The following ZFHX3 variants were observed in gnomAD, a reference collection of about 807,000 sequenced individuals.
ZFHX3 encodes zinc finger homeobox 3.
In ZFHX3, 42 loss-of-function variants were observed where a neutral mutation model predicts 279.1. The ratio of observed to expected loss-of-function variants is 0.15; its 90% CI spans 0.12 to 0.19. The LOEUF (loss-of-function observed/expected upper bound fraction) is 0.19. ZFHX3 is among the 10% of genes least tolerant of loss of function. ZFHX3 has a pLI of 1.00. For synonymous variants in ZFHX3, 2,293 were observed against 1,957.8 expected (o/e 1.17, Z -4.52); for missense variants, 4,981 against 4,754.0 (o/e 1.05, Z -1.40).
rs766754951 is a variant in ZFHX3, at chr16:72,958,727, CTCCGCCTCTTCCTCCTCCTCT to C, written c.1398_1418del (p.Ala472_Glu478del). 1.9e-4 allele frequency: 301 copies of C among 1,600,974 alleles called. No homozygotes were observed. Among genetic ancestry groups the C allele is most frequent in the Non-Finnish European group, 2.2e-4 (259 of 1,168,820 alleles). ...CCTCCTCCTCTTCTTCCTCCTCCTC[CTCCGCCTCTTCCTCCTCCTCT>C]TCCTCCTCCGCCTCCTCTTCGGCTG... On this transcript the variant is annotated inframe_deletion, in exon 2 of 10. Transcript: ENST00000268489.
chr16:72,951,301 C>A (rs1453467329), intron 2 of ZFHX3, among the ~76,000 whole-genome samples: 1 of 151,852 alleles, frequency 6.6e-6, no homozygotes, highest in Admixed American at 6.6e-5. Flanking sequence ...TGCCCTGTTG[C>A]CCAGGCTAGA....
intron 4 of ZFHX3, among the ~76,000 whole-genome samples, chr16:73,307,106 TG>T (rs1453364708): frequency 1.3e-5 from 2 of 152,230 alleles, no homozygotes; most frequent in African/African-American, 4.8e-5. Context: ...AGATGATCTT[TG>T]GAGTAAGAAG....
At chr16:72,898,523 T>C (rs1400076921) in intron 3 of ZFHX3, among the ~76,000 whole-genome samples, 1 of 152,194 alleles carries the variant, frequency 6.6e-6, no homozygotes, top group Non-Finnish European at 1.5e-5. Flanking sequence ...AATAACTAAG[T>C]CTATAGCTGT....
chr16:73,823,960 G>A (rs1033330993), intron 1 of ZFHX3, among the ~76,000 whole-genome samples: 1 of 152,110 alleles, frequency 6.6e-6, no homozygotes, highest in African/African-American at 2.4e-5. Flanking sequence ...TGTGCATTTG[G>A]GCATATTTTG....
chr16:73,674,527 A>G (rs2052934651), intron 2 of ZFHX3, among the ~76,000 whole-genome samples: 1 of 152,242 alleles, frequency 6.6e-6, no homozygotes, highest in Admixed American at 6.5e-5. Flanking sequence ...TTTGGTTTTC[A>G]GAGTCCCTAG....
chr16:73,115,440 T>C (rs1439319060), intron 7 of ZFHX3, among the ~76,000 whole-genome samples: 1 of 151,242 alleles, frequency 6.6e-6, no homozygotes, highest in Non-Finnish European at 1.5e-5. Flanking sequence ...TCCCAGCTAT[T>C]TGGGAGACTG....
chr16:73,644,685 C>CAA (rs11414798), intron 2 of ZFHX3, among the ~76,000 whole-genome samples: 1 of 151,608 alleles, frequency 6.6e-6, no homozygotes, highest in Admixed American at 6.6e-5. Flanking sequence ...CAAAACTAAA[C>CAA]AAAAAAACCT....
Position 72,784,515 on chromosome 16 carries a change from G to C in ZFHX3, c.*2649C>G, listed in dbSNP as rs912265014. On this transcript the variant is annotated 3_prime_UTR_variant, in exon 10 of 10. Transcript: ENST00000268489. ...TTTTTTTCTATATGGTACAGACACA[G>C]AGTAACATACAACAGTTAAATGGCA... 2 of 151,992 alleles carry C rather than the reference G, an allele frequency of 1.3e-5. No individual in the cohort carries two copies. Among genetic ancestry groups the C allele is most frequent in the African/African-American group, 4.8e-5 (2 of 41,308 alleles). The allele number at this position is 151,992 out of a possible 1,614,324, so 9.4% of individuals were successfully genotyped here. A position where few individuals can be genotyped will look rare whatever the true frequency, so the allele number is the denominator to read the frequency against.
intron 4 of ZFHX3, among the ~76,000 whole-genome samples, chr16:72,873,474 G>T (rs1689340515): frequency 6.6e-6 from 1 of 152,150 alleles, no homozygotes; most frequent in South Asian, 2.1e-4. Flanking sequence ...GATGAGATTT[G>T]TTCTTGATGA....
intron 2 of ZFHX3, among the ~76,000 whole-genome samples, chr16:73,491,331 A>G (rs1230046345): frequency 3.3e-5 from 5 of 152,208 alleles, no homozygotes; most frequent in Admixed American, 1.3e-4. Flanking sequence ...CTCTCTCCCT[A>G]TCCATTGACT....
At chr16:72,835,642 T>C (rs963653384) in intron 4 of ZFHX3, among the ~76,000 whole-genome samples, 10 of 151,972 alleles carry the variant, frequency 6.6e-5, no homozygotes, top group African/African-American at 2.4e-4. Context: ...ACTCTGACCA[T>C]CAAGACTGAC....
Position 73,604,913 on chromosome 16 carries a change from A to T in ZFHX3, c.-1547+75267T>A, listed in dbSNP as rs115154892. ...TACTGGGGTAGACTGAGGCAGAAGAAAGTCCATTTTTTTTCACCTATGTGT... is the reference window on the plus strand; with the variant it reads ...TACTGGGGTAGACTGAGGCAGAAGATAGTCCATTTTTTTTCACCTATGTGT... On this transcript the variant is annotated intron_variant, in intron 2 of 17. Coordinates refer to the ZFHX3 transcript ENST00000641206. Among the ~76,000 whole-genome samples the T allele has an allele frequency of 3.2e-3, 491 of 152,154 alleles. 3 individuals carry two copies. Among genetic ancestry groups the T allele is most frequent in the African/African-American group, 0.011 (464 of 41,518 alleles).
At chr16:73,856,166 G>A (rs1482833078) in intron 1 of ZFHX3, among the ~76,000 whole-genome samples, 1 of 152,138 alleles carries the variant, frequency 6.6e-6, no homozygotes, top group East Asian at 1.9e-4. Flanking sequence ...TGCATGGGAA[G>A]GAGAGGGAAG....
intron 5 of ZFHX3, among the ~76,000 whole-genome samples, chr16:72,819,902 CTT>C (rs1234516379): frequency 1.3e-5 from 2 of 152,252 alleles, no homozygotes; most frequent in Non-Finnish European, 2.9e-5. Flanking sequence ...ACAGAAATCT[CTT>C]TCTTTCCACA....
intron 1 of ZFHX3, among the ~76,000 whole-genome samples, chr16:73,718,741 G>C (rs545429310): frequency 1.3e-4 from 20 of 151,710 alleles, no homozygotes; most frequent in Non-Finnish European, 1.0e-4. Context: ...TTAGCCTTCT[G>C]AGTAGCTGGG....
chr16:72,956,383 C>A (rs1398634144), intron 2 of ZFHX3, among the ~76,000 whole-genome samples: 1 of 152,184 alleles, frequency 6.6e-6, no homozygotes, highest in Non-Finnish European at 1.5e-5. Flanking sequence ...CGGGATGGGA[C>A]GCAGGCAGGA....
intron 5 of ZFHX3, among the ~76,000 whole-genome samples, chr16:73,180,642 C>T (rs577168022): frequency 1.3e-5 from 2 of 152,190 alleles, no homozygotes; most frequent in African/African-American, 4.8e-5. Flanking sequence ...CAGTGTGTAT[C>T]ACTTGCTTAC....
In ZFHX3 at chr16:72,959,755, C is replaced by T. The variant is rs1270904589; in HGVS notation, c.391G>A (p.Gly131Arg). The T allele has an allele frequency of 1.9e-6, 3 of 1,609,876 alleles. No individual in the cohort carries two copies. Among genetic ancestry groups the T allele is most frequent in the African/African-American group, 1.3e-5 (1 of 74,892 alleles). Residue 131 changes from glycine to arginine, a missense_variant, in exon 2 of 10, where the codon GGG becomes AGG. This residue lies in a region of ZFHX3 where 1,068 missense variants were observed against 935.2 expected (regional missense o/e 1.14). Transcript: ENST00000268489. ...CCGTCCGGCTGGTAGACGATCTCCC[C>T]GGCCAGGTTCTCCACGTCACTCTCC... ...DEESDVENLA[G>R]EIVYQPDGSA... is the part of the protein sequence containing the mutation.
chr16:73,182,343 G>T (rs551065801), intron 5 of ZFHX3, among the ~76,000 whole-genome samples: 1 of 152,310 alleles, frequency 6.6e-6, no homozygotes, highest in South Asian at 2.1e-4. Flanking sequence ...TGTAATCCCA[G>T]CTACTCGGGA....
Sources: allele counts gnomAD v4.1 joint callset (sites outside exome capture counted in the v4.1 genomes callset), GRCh38; gene constraint gnomAD v4.1.1; regional missense constraint gnomAD v4.1.1; transcripts MANE v1.5; gene names NCBI Gene and HGNC (gene_info 2026-07-23, HGNC 2026-07-21).